The following PCDHGB4 variants were observed in gnomAD, a reference collection of about 807,000 sequenced individuals.
PCDHGB4 encodes protocadherin gamma-B4.
PCDHGB4 carries 38 observed loss-of-function variants against 60.5 expected under a neutral mutation model. That is an observed-to-expected ratio of 0.63 (90% CI 0.48 to 0.82). PCDHGB4 has a LOEUF of 0.82. Ranked by LOEUF, PCDHGB4 falls within the 40% of genes least tolerant of loss-of-function variation. PCDHGB4 has a pLI of 0.00. For synonymous variants in PCDHGB4, 456 were observed against 509.7 expected, an observed-to-expected ratio of 0.89 and a Z score of 1.42; for missense variants, 1,109 against 1,209.6, an observed-to-expected ratio of 0.92 and a Z score of 1.23.
rs765634746 is a variant in PCDHGB4 at position 141,418,621 on chromosome 5, C to A, written c.2397+28340C>A. On this transcript the variant is annotated intron_variant, in intron 1 of 3. Transcript: ENST00000519479. Reference sequence around the variant, plus strand: ...TGTACAGGGTTAGCCTTCGGGAAGACGTGCCTCCAGGCACCTCCATCCTGA... The same window carrying A: ...TGTACAGGGTTAGCCTTCGGGAAGAAGTGCCTCCAGGCACCTCCATCCTGA... 8 of 1,614,034 alleles carry A rather than the reference C, an allele frequency of 5.0e-6. No individual in the cohort carries two copies. The East Asian group carries it at 1.8e-4, about 36-fold the overall frequency.
intron 2 of PCDHGB4, among the ~76,000 whole-genome samples, chr5:141,498,397 G>A (rs1019408022): frequency 1.3e-5 from 2 of 152,136 alleles, no homozygotes; most frequent in African/African-American, 4.8e-5. Flanking sequence ...GAATGGCAGG[G>A]AGTTTTCTCT....
chr5:141,487,355 G>A lies in PCDHGB4; in HGVS notation c.2398-7452G>A. ...AGCCTGTGGAGTCACATGCTTTCCT[G>A]CTGGCACCTGTGCCTGTCTCACCAG... On this transcript the variant is annotated intron_variant, in intron 1 of 3. Coordinates refer to ENST00000519479, the MANE Select transcript of PCDHGB4 (RefSeq NM_003736.4). This position sits in a 1 kb window ranked among gnomAD's most constrained non-coding sequence, Gnocchi z 5.0. 1 of 1,614,150 alleles carries A rather than the reference G, an allele frequency of 6.2e-7. No homozygotes were observed. Among genetic ancestry groups the A allele is most frequent in the South Asian group, 1.1e-5 (1 of 91,090 alleles).
At chr5:141,408,834 T>G in intron 1 of PCDHGB4, 1 of 1,613,696 alleles carries the variant, frequency 6.2e-7, no homozygotes, top group Non-Finnish European at 8.5e-7. Context: ...CATAGCTTGA[T>G]ATTGACTGCC....
chr5:141,466,278 T>G (rs1459665755), intron 1 of PCDHGB4, among the ~76,000 whole-genome samples: 1 of 152,128 alleles, frequency 6.6e-6, no homozygotes, highest in Non-Finnish European at 1.5e-5. Context: ...TCAAGCAATC[T>G]TCCCACCTCA....
rs2091498902 is a variant in PCDHGB4 at position 141,388,801 on chromosome 5, A to G, written c.917A>G (p.Asp306Gly). The G allele has an allele frequency of 1.9e-6, 3 of 1,613,940 alleles. No homozygotes were observed. The East Asian group carries it at 6.7e-5, about 36-fold the overall frequency. Residue 306 changes from aspartate to glycine, a missense_variant, in exon 1 of 4, where the codon GAT (aspartate) becomes GGT (glycine). This residue lies in a region of PCDHGB4 where 1,068 missense variants were observed against 1,089.9 expected (regional missense o/e 0.98). Coordinates refer to ENST00000519479, the MANE Select transcript of PCDHGB4 (RefSeq NM_003736.4). Reference sequence around the variant, plus strand: ...GAAATTACTGTTTTAAATACATTAGATTTTGAAGAAGTCAAAGAATATTCC... The same window carrying G: ...GAAATTACTGTTTTAAATACATTAGGTTTTGAAGAAGTCAAAGAATATTCC... ...TGEITVLNTL[D>G]FEEVKEYSIV... is the part of the protein sequence containing the mutation.
chr5:141,446,230 G>A (rs548647406), intron 1 of PCDHGB4, among the ~76,000 whole-genome samples: 22 of 152,208 alleles, frequency 1.4e-4, no homozygotes, highest in African/African-American at 4.6e-4. Context: ...GTGTTGCCTG[G>A]CAAGTGGTAG....
At chr5:141,475,819 G>A (rs1232669115) in intron 1 of PCDHGB4, 4 of 350,114 alleles carry the variant, frequency 1.1e-5, no homozygotes, top group Non-Finnish European at 1.6e-5. Context: ...GAAGTTCCTG[G>A]CGCTAGCGCG....
intron 2 of PCDHGB4, among the ~76,000 whole-genome samples, chr5:141,497,622 C>G (rs1434147255): frequency 6.6e-6 from 1 of 151,538 alleles, no homozygotes; most frequent in African/African-American, 2.4e-5. Context: ...TCACTGCAAC[C>G]TCTGCCTGCC....
chr5:141,403,254 G>A (rs2094383546), intron 1 of PCDHGB4: 3 of 1,613,830 alleles, frequency 1.9e-6, no homozygotes, highest in Non-Finnish European at 2.5e-6. Flanking sequence ...CAGAGCCCGC[G>A]GTGTCTGGTG....
At position 141,423,686 on chromosome 5, in the gene PCDHGB4, A is replaced by T. The variant is rs752078243; in HGVS notation, c.2397+33405A>T. 10 of 1,328,296 alleles carry T rather than the reference A, an allele frequency of 7.5e-6. No homozygotes were observed. The East Asian group carries it at 3.6e-4, about 47-fold the overall frequency. The allele number at this position is 1,328,296 out of a possible 1,614,324, so 82.3% of individuals were successfully genotyped here. The stretch of plus-strand genomic sequence containing the variant: ...GTGAGATTTATTTCTCTGCCTCCTA[A>T]TTGTTGGTGTCTTGGCACAAGTCTT... On this transcript the variant is annotated intron_variant, in intron 1 of 3. Transcript: ENST00000519479.
Position 141,432,632 on chromosome 5 carries a change from G to T in PCDHGB4, c.2397+42351G>T. ...CTTCTCGGTGGGTCTGCACACGGGCGAGGTGCGCACGGCGCGAGCCCTGCT... is the reference window on the plus strand; with the variant it reads ...CTTCTCGGTGGGTCTGCACACGGGCTAGGTGCGCACGGCGCGAGCCCTGCT... On this transcript the variant is annotated intron_variant, in intron 1 of 3. Transcript: ENST00000519479. This position sits in a 1 kb window ranked among gnomAD's most constrained non-coding sequence, Gnocchi z 6.0. The T allele has an allele frequency of 6.2e-7, 1 of 1,612,834 alleles. No homozygotes were observed. Among genetic ancestry groups the T allele is most frequent in the South Asian group, 1.1e-5 (1 of 90,976 alleles).
intron 2 of PCDHGB4, among the ~76,000 whole-genome samples, chr5:141,497,578 T>C (rs2099778035): frequency 1.3e-5 from 2 of 150,806 alleles, no homozygotes; most frequent in South Asian, 4.2e-4. Context: ...CTTGCTCTGT[T>C]GCCCAAGCTG....
At chr5:141,508,123 G>A (rs989767852) in intron 3 of PCDHGB4, 1 of 152,616 alleles carries the variant, frequency 6.6e-6, no homozygotes, top group Non-Finnish European at 1.5e-5. Context: ...GAGGACAGAG[G>A]GAGGTCAGGG....
At position 141,485,671 on chromosome 5, in the gene PCDHGB4, G is replaced by T; in HGVS notation, c.2398-9136G>T. On this transcript the variant is annotated intron_variant, in intron 1 of 3. Coordinates refer to ENST00000519479, the MANE Select transcript of PCDHGB4 (RefSeq NM_003736.4). This position sits in a 1 kb window ranked among gnomAD's most constrained non-coding sequence, Gnocchi z 5.7. The stretch of plus-strand genomic sequence containing the variant: ...AGGATGCAGATGTGGGGAGCAATTC[G>T]ATTAGCAGCTATAGGCTGAGCTCCA... 6.2e-7 allele frequency: 1 copy of T among 1,612,860 alleles called. No homozygotes were observed. The highest frequency in any genetic ancestry group is 8.5e-7 in the Non-Finnish European group (1 of 1,179,040).
At chr5:141,428,010 G>A in intron 1 of PCDHGB4, 1 of 1,603,006 alleles carries the variant, frequency 6.2e-7, no homozygotes, top group Non-Finnish European at 8.5e-7. Flanking sequence ...CTTCGATATA[G>A]TGCCACGCGC....
In PCDHGB4 at chr5:141,419,882, T is replaced by A. The variant is rs145814583; in HGVS notation, c.2397+29601T>A. ...TAGCTTGCAAGAGGTACTGCCGGAT[T>A]TCAGCGACCATCCCACACCCTCTGA... On this transcript the variant is annotated intron_variant, in intron 1 of 3. Transcript: ENST00000519479. The A allele has an allele frequency of 4.9e-3, 7,980 of 1,614,092 alleles. 44 individuals carry two copies. Among genetic ancestry groups the A allele is most frequent in the Admixed American group, 9.4e-3 (567 of 60,032 alleles).
Position 141,476,838 on chromosome 5 carries a change from C to T in PCDHGB4, c.2398-17969C>T, listed in dbSNP as rs1347278637. 2.5e-6 allele frequency: 4 copies of T among 1,613,496 alleles called. No individual in the cohort carries two copies. Among genetic ancestry groups the T allele is most frequent in the Non-Finnish European group, 3.4e-6 (4 of 1,180,054 alleles). ...AAGGTGCTGGACGCGAATGACAATG[C>T]GCCTGTCTTCAACCAGTCCTTGTAC... On this transcript the variant is annotated intron_variant, in intron 1 of 3. Transcript: ENST00000519479. This position sits in a 1 kb window ranked among gnomAD's most constrained non-coding sequence, Gnocchi z 7.6.
At chr5:141,405,140 G>A in intron 1 of PCDHGB4, 1 of 1,614,072 alleles carries the variant, frequency 6.2e-7, no homozygotes, top group Non-Finnish European at 8.5e-7. Flanking sequence ...GGCTACCAGT[G>A]ATGGGTTGGC....
intron 2 of PCDHGB4, among the ~76,000 whole-genome samples, chr5:141,500,184 T>TTTTATTTATTTATTTA (rs58019021): frequency 1.5e-5 from 2 of 135,886 alleles, no homozygotes; most frequent in African/African-American, 5.4e-5. Flanking sequence ...TCATTTTTAT[T>TTTTATTTATTTATTTA]TTTATTTATT....
Sources: gnomAD v4.1 joint callset for allele counts (sites outside exome capture counted in the v4.1 genomes callset) on GRCh38, gnomAD v4.1.1 for gene constraint, gnomAD v4.1.1 regional missense constraint, Gnocchi (gnomAD v3.1) non-coding constraint, MANE v1.5 for transcripts, NCBI Gene and HGNC (gene_info 2026-07-23, HGNC 2026-07-21) for gene names.